The following SLC35F3 variants were observed in gnomAD, a reference collection of about 807,000 sequenced individuals.
SLC35F3 encodes putative thiamine transporter SLC35F3.
Under a neutral mutation model 49.9 loss-of-function variants are expected in SLC35F3, and 25 were observed. That is an observed-to-expected ratio of 0.50 (90% confidence interval 0.37 to 0.70). The LOEUF is 0.70. Among genes scored for constraint, SLC35F3 ranks in the 30% least tolerant of loss-of-function variants. The probability of loss-of-function intolerance (pLI) is 0.00; values close to 1 mark genes in which losing one functional copy is unlikely to be tolerated. For missense variants in SLC35F3, 525 were observed against 639.8 expected (o/e 0.82, Z 1.94); for synonymous variants, 275 against 265.4 (o/e 1.04, Z -0.35).
intron 2 of SLC35F3, among the ~76,000 whole-genome samples, chr1:234,108,671 G>C (rs1250492157): frequency 1.2e-5 from 1 of 84,920 alleles, no homozygotes; most frequent in Non-Finnish European, 2.2e-5. Context: ...ATATATAAAA[G>C]ATATATATAT....
At chr1:234,098,533 GTGA>G (rs1474405176) in intron 2 of SLC35F3, among the ~76,000 whole-genome samples, 3 of 151,358 alleles carry the variant, frequency 2.0e-5, no homozygotes, top group Admixed American at 1.3e-4. Flanking sequence ...GTGTTATAGA[GTGA>G]TGATGGTGGT....
intron 2 of SLC35F3, among the ~76,000 whole-genome samples, chr1:234,001,116 G>A (rs1663546818): frequency 6.6e-6 from 1 of 152,174 alleles, no homozygotes; most frequent in African/African-American, 2.4e-5. Flanking sequence ...CTCTTTTTTT[G>A]TGTGAGGGAT....
At chr1:234,032,178 C>A (rs139181294) in intron 2 of SLC35F3, among the ~76,000 whole-genome samples, 6 of 151,994 alleles carry the variant, frequency 3.9e-5, no homozygotes, top group Non-Finnish European at 8.8e-5. Context: ...TCTCTGTGTT[C>A]GTATGATCCC....
At chr1:234,002,285 T>C (rs1467133792) in intron 2 of SLC35F3, among the ~76,000 whole-genome samples, 1 of 152,208 alleles carries the variant, frequency 6.6e-6, no homozygotes, top group Non-Finnish European at 1.5e-5. Context: ...AGGCCACATT[T>C]TATTTAGGTG....
chr1:234,139,765 T>C (rs147579679), intron 2 of SLC35F3, among the ~76,000 whole-genome samples: 2,765 of 151,610 alleles, frequency 0.018, 79 homozygotes, highest in African/African-American at 0.064. Flanking sequence ...CTGGCCAACA[T>C]GGTGAAACCC....
At chr1:234,052,604 A>AT (rs990371224) in intron 2 of SLC35F3, among the ~76,000 whole-genome samples, 18 of 151,740 alleles carry the variant, frequency 1.2e-4, no homozygotes, top group Non-Finnish European at 2.7e-4. Flanking sequence ...GGATTCATTG[A>AT]TTTTTTTGAA....
At chr1:234,194,382 G>A (rs564601997) in intron 2 of SLC35F3, among the ~76,000 whole-genome samples, 2 of 152,318 alleles carry the variant, frequency 1.3e-5, no homozygotes, top group East Asian at 1.9e-4. Flanking sequence ...ACTCATAAGT[G>A]GGAGCTAAGC....
Position 234,219,707 on chromosome 1 carries a change from T to A in SLC35F3, c.284-11710T>A, listed in dbSNP as rs189692224. ...GTCATTACCCCCTTCTTCGCCAAAA[T>A]GACCTGATCTGACAGGATACTCTTT... is the stretch of plus-strand genomic sequence containing the variant. On this transcript the variant is annotated intron_variant, in intron 2 of 7. Transcript: ENST00000366618. Among the ~76,000 whole-genome samples the A allele has an allele frequency of 3.1e-3, 469 of 152,320 alleles. 3 individuals are homozygous for A. The highest frequency in any genetic ancestry group is 0.01 in the Middle Eastern group (3 of 294).
intron 2 of SLC35F3, among the ~76,000 whole-genome samples, chr1:233,983,744 A>G (rs1663221955): frequency 6.6e-6 from 1 of 152,162 alleles, no homozygotes; most frequent in Non-Finnish European, 1.5e-5. Flanking sequence ...TTAAAGTGAA[A>G]TCTCCCACTG....
At chr1:234,163,646 T>G (rs1666263984) in intron 2 of SLC35F3, among the ~76,000 whole-genome samples, 1 of 152,246 alleles carries the variant, frequency 6.6e-6, no homozygotes, top group Non-Finnish European at 1.5e-5. Flanking sequence ...CTTGATAGAC[T>G]TCCAAGAGCA....
chr1:234,019,458 C>T (rs868396133), intron 2 of SLC35F3, among the ~76,000 whole-genome samples: 6 of 152,132 alleles, frequency 3.9e-5, no homozygotes, highest in South Asian at 2.1e-4. Context: ...AAAAGTCCAG[C>T]GGGCTGGAAG....
chr1:233,947,224 T>C (rs1186423398), intron 2 of SLC35F3, among the ~76,000 whole-genome samples: 1 of 152,176 alleles, frequency 6.6e-6, no homozygotes, highest in Non-Finnish European at 1.5e-5. Context: ...TCAAGGCTAC[T>C]TGAGATTCAC....
intron 2 of SLC35F3, among the ~76,000 whole-genome samples, chr1:234,094,056 T>G: frequency 6.6e-6 from 1 of 152,204 alleles, no homozygotes. Flanking sequence ...CGCTGTGCAC[T>G]CAGGTGTCAG....
At chr1:233,945,816 G>A (rs1015964839) in intron 2 of SLC35F3, among the ~76,000 whole-genome samples, 4 of 152,272 alleles carry the variant, frequency 2.6e-5, no homozygotes, top group East Asian at 3.9e-4. Flanking sequence ...ATTCACCTTC[G>A]ACCATGATTG....
intron 2 of SLC35F3, among the ~76,000 whole-genome samples, chr1:234,221,678 TG>T (rs1213875157): frequency 1.3e-5 from 2 of 152,164 alleles, no homozygotes; most frequent in Non-Finnish European, 2.9e-5. Context: ...ACATTTCCAT[TG>T]GTTAAGACAT....
rs1052514726 is a variant in SLC35F3 at position 233,957,230 on chromosome 1, T to C, written c.283+51472T>C. The stretch of plus-strand genomic sequence containing the variant: ...GATTGTTTTATGTCAGATATGAAAT[T>C]GGATTTTTGAACTGGACTGAAATGT... On this transcript the variant is annotated intron_variant, in intron 2 of 7. Transcript: ENST00000366618. The surrounding 1 kb of genome is among the most constrained non-coding windows in gnomAD (Gnocchi z 4.0). 6.6e-6 allele frequency among the ~76,000 whole-genome samples: 1 copy of C among 152,126 alleles called. No individual in the cohort carries two copies. Among genetic ancestry groups the C allele is most frequent in the African/African-American group, 2.4e-5 (1 of 41,422 alleles).
intron 2 of SLC35F3, among the ~76,000 whole-genome samples, chr1:234,074,708 A>C (rs1664769157): frequency 6.6e-6 from 1 of 152,242 alleles, no homozygotes; most frequent in Non-Finnish European, 1.5e-5. Flanking sequence ...GAAAGTTTGC[A>C]GAAAGCAATC....
chr1:234,285,879 A>C (rs1398275982), intron 3 of SLC35F3, among the ~76,000 whole-genome samples: 2 of 152,176 alleles, frequency 1.3e-5, no homozygotes, highest in South Asian at 4.1e-4. Flanking sequence ...GTTGAAAGTA[A>C]GGCAGGTAGG....
At chr1:234,089,781 A>AT (rs1194734340) in intron 2 of SLC35F3, among the ~76,000 whole-genome samples, 2 of 152,142 alleles carry the variant, frequency 1.3e-5, no homozygotes, top group East Asian at 3.8e-4. Context: ...ACCTATAAAT[A>AT]TTGAGGTACC....
Sources: gnomAD v4.1 joint callset for allele counts (sites outside exome capture counted in the v4.1 genomes callset) on GRCh38, gnomAD v4.1.1 for gene constraint, Gnocchi (gnomAD v3.1) non-coding constraint, MANE v1.5 for transcripts, NCBI Gene and HGNC (gene_info 2026-07-23, HGNC 2026-07-21) for gene names.